GLIPR1L1: variants seen among roughly 807,000 people sequenced by gnomAD.
GLIPR1L1 encodes the protein GLIPR1-like protein 1.
GLIPR1L1 carries 26 observed loss-of-function variants against 29.9 expected under a neutral mutation model. That is an observed-to-expected ratio of 0.87 (90% CI 0.64 to 1.21). The LOEUF (loss-of-function observed/expected upper bound fraction) is 1.21. Ranked by LOEUF, GLIPR1L1 falls within the 50% of genes most tolerant of loss-of-function variation. The pLI is 0.00. For synonymous variants in GLIPR1L1, 77 were observed against 97.5 expected (o/e 0.79, Z 1.24); for missense variants, 305 against 290.3 (o/e 1.05, Z -0.37).
At chr12:75,335,236 A>AC (rs1415633556) in intron 1 of GLIPR1L1, among the ~76,000 whole-genome samples, 2 of 151,880 alleles carry the variant, frequency 1.3e-5, no homozygotes, top group Non-Finnish European at 2.9e-5. Context: ...AGCAATTTCC[A>AC]CCCCCCACAA....
chr12:75,345,575 A>G (rs562516201), intron 2 of GLIPR1L1, among the ~76,000 whole-genome samples: 1 of 152,176 alleles, frequency 6.6e-6, no homozygotes, highest in Non-Finnish European at 1.5e-5. Context: ...AGCAACTTCC[A>G]TGTTCCCTTT....
At chr12:75,337,286 A>C (rs996911570) in intron 1 of GLIPR1L1, among the ~76,000 whole-genome samples, 5 of 151,808 alleles carry the variant, frequency 3.3e-5, no homozygotes, top group African/African-American at 1.2e-4. Flanking sequence ...AAGTATGAGG[A>C]CTAAAATCAA....
chr12:75,352,538 C>A (rs938448008), intron 3 of GLIPR1L1, among the ~76,000 whole-genome samples: 14 of 152,136 alleles, frequency 9.2e-5, no homozygotes, highest in African/African-American at 3.4e-4. Context: ...ACTTAGACTC[C>A]CACACAATAA....
rs117349255 is a variant in GLIPR1L1, at chr12:75,342,529, T to C, written c.175-1164T>C. Among the ~76,000 whole-genome samples, 18 of 152,306 alleles carry C rather than the reference T, an allele frequency of 1.2e-4. No homozygotes were observed. In the East Asian group the frequency reaches 2.9e-3, roughly 24 times the overall value. On this transcript the variant is annotated intron_variant, in intron 1 of 5. Transcript: ENST00000378695. ...CTTTTGTGATGAGTTGTTTCTGGAC[T>C]CTGTTCTGTTCCATTGAGCTATTTG... is the stretch of plus-strand genomic sequence containing the variant.
intron 1 of GLIPR1L1, among the ~76,000 whole-genome samples, chr12:75,342,126 G>T (rs561764926): frequency 6.6e-6 from 1 of 152,146 alleles, no homozygotes; most frequent in Non-Finnish European, 1.5e-5. Flanking sequence ...AAGATAGTGT[G>T]GGTAGTGAGT....
intron 4 of GLIPR1L1, chr12:75,369,651 G>T (rs12367329): frequency 0.37 from 368,120 of 983,112 alleles, 71,725 homozygotes; most frequent in East Asian, 0.44. Flanking sequence ...TTTCTTCAGG[G>T]ACGTGAATTG....
chr12:75,350,238 T>A (rs999362842), intron 3 of GLIPR1L1, among the ~76,000 whole-genome samples: 5 of 152,218 alleles, frequency 3.3e-5, no homozygotes, highest in Admixed American at 2.0e-4. Context: ...GATCTCTGAT[T>A]TCCCTGAGAG....
chr12:75,343,367 A>G (rs1263399259), intron 1 of GLIPR1L1, among the ~76,000 whole-genome samples: 3 of 151,994 alleles, frequency 2.0e-5, no homozygotes, highest in Non-Finnish European at 4.4e-5. Context: ...ATTGTAATAA[A>G]TTAACATGAC....
intron 1 of GLIPR1L1, among the ~76,000 whole-genome samples, chr12:75,338,528 CT>C (rs1392197974): frequency 6.6e-6 from 1 of 151,490 alleles, no homozygotes. Context: ...CCATTTTTTC[CT>C]GTAGGTTTTT....
chr12:75,367,561 T>C (rs1345224844), intron 4 of GLIPR1L1, among the ~76,000 whole-genome samples: 9 of 152,058 alleles, frequency 5.9e-5, no homozygotes, highest in Admixed American at 5.9e-4. Flanking sequence ...TATTCTTTTT[T>C]GTAATATATT....
intron 1 of GLIPR1L1, among the ~76,000 whole-genome samples, chr12:75,336,319 C>G (rs920578094): frequency 3.3e-5 from 5 of 151,684 alleles, no homozygotes; most frequent in Admixed American, 6.6e-5. Context: ...TTAAAAATAG[C>G]AAATGGTAGA....
intron 4 of GLIPR1L1, among the ~76,000 whole-genome samples, chr12:75,367,224 C>T (rs1436981295): frequency 2.9e-5 from 4 of 139,990 alleles, no homozygotes; most frequent in African/African-American, 5.5e-5. Flanking sequence ...TTAGAATGTA[C>T]CTCTAAACTA....
intron 1 of GLIPR1L1, among the ~76,000 whole-genome samples, chr12:75,340,990 A>G (rs2042063878): frequency 6.6e-6 from 1 of 152,030 alleles, no homozygotes; most frequent in African/African-American, 2.4e-5. Flanking sequence ...GGAATGCAAA[A>G]TGGTATAGCC....
chr12:75,343,862 C>G lies in GLIPR1L1; in HGVS notation c.344C>G (p.Thr115Arg), dbSNP rs180934864. The part of the protein sequence containing the change: ...IKSFTPRHAI[T>R]AWYNETQFYD... ...TCATTCACACCAAGACATGCCATTA[C>G]GGCTTGGTATAATGAAACCCAATTT... Residue 115 changes from threonine (T) to arginine (R), a missense_variant, in exon 2 of 6, where the codon ACG (threonine) becomes AGG (arginine). Transcript: ENST00000378695. 1 of 1,611,538 alleles carries G rather than the reference C, an allele frequency of 6.2e-7. No individual in the cohort carries two copies. Among genetic ancestry groups the G allele is most frequent in the Admixed American group, 1.7e-5 (1 of 59,990 alleles).
In GLIPR1L1 at chr12:75,347,702, T is replaced by G. The variant is rs751072576; in HGVS notation, c.501T>G (p.Phe167Leu). Reference protein sequence around the residue: ...PNLGGASTAIFVCNYGPAGNF... With the variant: ...PNLGGASTAILVCNYGPAGNF... ...TTGGGGGAGCTTCAACTGCAATATT[T>G]GTATGCAACTACGGACCTGCGTGAG... is the stretch of plus-strand genomic sequence containing the variant. The change falls in exon 3 of 6, where the codon TTT (phenylalanine) becomes TTG (leucine). Residue 167 changes from phenylalanine to leucine, a missense_variant. Phe to Leu is a conservative substitution (Grantham distance 22). Transcript: ENST00000378695. 3 of 1,601,056 alleles carry G rather than the reference T, an allele frequency of 1.9e-6. No homozygotes were observed. The highest frequency in any genetic ancestry group is 2.6e-6 in the Non-Finnish European group (3 of 1,170,586).
intron 2 of GLIPR1L1, among the ~76,000 whole-genome samples, chr12:75,346,774 A>G (rs2042478402): frequency 6.6e-6 from 1 of 152,162 alleles, no homozygotes; most frequent in Non-Finnish European, 1.5e-5. Flanking sequence ...GCTATAGAAA[A>G]CAATTGATAC....
At chr12:75,355,790 T>C (rs1447263817) in intron 3 of GLIPR1L1, among the ~76,000 whole-genome samples, 3 of 152,150 alleles carry the variant, frequency 2.0e-5, no homozygotes, top group Non-Finnish European at 4.4e-5. Flanking sequence ...TGGAATACTA[T>C]GCAGCCATAA....
chr12:75,351,678 C>T (rs1458538244), intron 3 of GLIPR1L1, among the ~76,000 whole-genome samples: 1 of 151,954 alleles, frequency 6.6e-6, no homozygotes, highest in African/African-American at 2.4e-5. Context: ...TCCTGAGTAG[C>T]TGGGATTAGA....
chr12:75,358,457 G>C (rs560663583), intron 3 of GLIPR1L1, among the ~76,000 whole-genome samples: 4 of 151,246 alleles, frequency 2.6e-5, no homozygotes, highest in Admixed American at 2.0e-4. Context: ...CTGAAAATAA[G>C]AATTATATGA....
Sources: allele counts gnomAD v4.1 joint callset (sites outside exome capture counted in the v4.1 genomes callset), GRCh38; gene constraint gnomAD v4.1.1; transcripts MANE v1.5; gene names NCBI Gene and HGNC (gene_info 2026-07-23, HGNC 2026-07-21).